The following CCDC144A variants were observed in gnomAD, a reference collection of about 807,000 sequenced individuals.
CCDC144A encodes the protein coiled-coil domain-containing protein 144A.
CCDC144A carries 41 observed loss-of-function variants against 143.8 expected under a neutral mutation model. That is an observed-to-expected ratio of 0.29 (90% CI 0.22 to 0.37). The LOEUF is 0.37. Ranked by LOEUF, CCDC144A falls within the 10% of genes least tolerant of loss-of-function variation. The pLI is 1.00. For missense variants in CCDC144A, 637 were observed against 1,488.8 expected (o/e 0.43, Z 9.41); for synonymous variants, 242 against 517.9 (o/e 0.47, Z 7.23).
chr17:16,710,137 C>T (rs928942333), intron 5 of CCDC144A: 2 of 178,688 alleles, frequency 1.1e-5, no homozygotes, highest in Non-Finnish European at 2.4e-5. Flanking sequence ...GCCAGGCATT[C>T]TGGGCCGTAG....
At chr17:16,747,101 G>A (rs1001983035) in intron 12 of CCDC144A, among the ~76,000 whole-genome samples, 2 of 151,978 alleles carry the variant, frequency 1.3e-5, no homozygotes, top group Non-Finnish European at 2.9e-5. Context: ...ATAGCTAGGG[G>A]TCAAGTTTCA....
At chr17:16,715,968 T>C (rs1339129589) in intron 6 of CCDC144A, among the ~76,000 whole-genome samples, 1 of 152,254 alleles carries the variant, frequency 6.6e-6, no homozygotes, top group Non-Finnish European at 1.5e-5. Context: ...GATGATTGAC[T>C]GTATTTACAA....
At chr17:16,708,186 G>C (rs1265874361) in intron 4 of CCDC144A, among the ~76,000 whole-genome samples, 1 of 152,170 alleles carries the variant, frequency 6.6e-6, no homozygotes, top group Non-Finnish European at 1.5e-5. Context: ...GGGGACCATA[G>C]TATATATTAG....
At chr17:16,675,539 A>AT in the CCDC144A span, among the ~76,000 whole-genome samples, 2 of 151,832 alleles carry the variant, frequency 1.3e-5, no homozygotes, top group Non-Finnish European at 2.9e-5. Context: ...GGAAAACAAA[A>AT]TAAAAAAAAA....
At chr17:16,746,871 T>C (rs1456972951) in intron 12 of CCDC144A, 26 of 667,422 alleles carry the variant, frequency 3.9e-5, no homozygotes, top group Middle Eastern at 3.9e-4. Context: ...TCCTCTCCCT[T>C]CTCTCCCTTC....
chr17:16,714,982 T>G (rs1912660967), intron 6 of CCDC144A, among the ~76,000 whole-genome samples: 1 of 152,236 alleles, frequency 6.6e-6, no homozygotes, highest in Admixed American at 6.5e-5. Flanking sequence ...GATAGCCTCC[T>G]GGCTTTCTTT....
chr17:16,748,406 G>A (rs1914637594), intron 12 of CCDC144A, among the ~76,000 whole-genome samples: 1 of 152,146 alleles, frequency 6.6e-6, no homozygotes, highest in Non-Finnish European at 1.5e-5. Context: ...ATTGATTTGT[G>A]TACTTTGAAC....
chr17:16,720,809 G>GCTAT (rs1431076375), intron 8 of CCDC144A, among the ~76,000 whole-genome samples, 151 bp downstream of exon 8: 2 of 152,216 alleles, frequency 1.3e-5, no homozygotes, highest in Non-Finnish European at 2.9e-5. Context: ...ACGCCAAAGA[G>GCTAT]CTATGATAAC....
intron 12 of CCDC144A, among the ~76,000 whole-genome samples, chr17:16,760,046 C>G (rs1271437856): frequency 6.6e-6 from 1 of 152,218 alleles, no homozygotes; most frequent in African/African-American, 2.4e-5. Flanking sequence ...GCTCGAACAC[C>G]TACCTACATG....
the CCDC144A span, among the ~76,000 whole-genome samples, chr17:16,677,369 C>A: frequency 1.3e-3 from 202 of 152,216 alleles, 1 homozygote; most frequent in African/African-American, 4.7e-3. Flanking sequence ...CCAGAGGGGA[C>A]CAGCAAATAC....
chr17:16,713,789 T>C (rs1270242172), intron 6 of CCDC144A, among the ~76,000 whole-genome samples: 2 of 152,206 alleles, frequency 1.3e-5, no homozygotes, highest in African/African-American at 2.4e-5. Flanking sequence ...TATATAGTTA[T>C]ATAAGAATTG....
Position 16,720,504 on chromosome 17 carries a change from A to G in CCDC144A, c.1750-13A>G, listed in dbSNP as rs1287418435. 1.3e-6 allele frequency: 2 copies of G among 1,596,008 alleles called. No individual in the cohort carries two copies. Among genetic ancestry groups the G allele is most frequent in the East Asian group, 2.2e-5 (1 of 44,778 alleles). On this transcript the variant is annotated splice_polypyrimidine_tract_variant and intron_variant, in intron 7 of 16. Transcript: ENST00000399273. ...TTCGAGGACATTTTGAAACAGTATT[A>G]TTTATCTTATAGGTCAAAAACCAAA...
In CCDC144A at chr17:16,709,080, A is replaced by G; in HGVS notation, c.1023A>G (p.Ile341Met). Residue 341 changes from isoleucine to methionine, a missense_variant, in exon 5 of 17, where the codon ATA (isoleucine) becomes ATG (methionine). Transcript: ENST00000399273. The part of the protein sequence containing the change: ...KDIPFNLTNN[I>M]PGCEEEDASE... ...TTCCCTTTAATTTGACAAATAACATACCTGGTTGTGAGGAAGAAGATGCAT... is the reference window on the plus strand; with the variant it reads ...TTCCCTTTAATTTGACAAATAACATGCCTGGTTGTGAGGAAGAAGATGCAT... 6.2e-7 allele frequency: 1 copy of G among 1,611,610 alleles called. No homozygotes were observed. The highest frequency in any genetic ancestry group is 8.5e-7 in the Non-Finnish European group (1 of 1,179,614).
At position 16,690,532 on chromosome 17, in the gene CCDC144A, G is replaced by C. The variant is rs773026244; in HGVS notation, c.132G>C (p.Gln44His). The C allele has an allele frequency of 6.2e-6, 10 of 1,613,668 alleles. No homozygotes were observed. Among genetic ancestry groups the C allele is most frequent in the Non-Finnish European group, 7.6e-6 (9 of 1,179,848 alleles). Residue 44 changes from glutamine (Q) to histidine (H), a missense_variant, in exon 1 of 17, where the codon CAG becomes CAC. By Grantham distance (24) the Gln-to-His change is conservative. Transcript: ENST00000399273. Reference sequence around the variant, plus strand: ...GGTACTTGGGCTACCCGGGGGACCAGTGGTCCTCGGGCTTCCCCTACAGCT... The same window carrying C: ...GGTACTTGGGCTACCCGGGGGACCACTGGTCCTCGGGCTTCCCCTACAGCT... ...DQWYLGYPGD[Q>H]WSSGFPYSWW...
chr17:16,682,915 T>G, the CCDC144A span, among the ~76,000 whole-genome samples: 3 of 107,098 alleles, frequency 2.8e-5, no homozygotes, highest in East Asian at 7.3e-4. Flanking sequence ...TTTTTTTTTT[T>G]TTTTGAGACA....
chr17:16,697,960 C>G (rs1358515705), intron 2 of CCDC144A, among the ~76,000 whole-genome samples: 1 of 152,134 alleles, frequency 6.6e-6, no homozygotes, highest in Non-Finnish European at 1.5e-5. Flanking sequence ...TAGAGGAGAG[C>G]AGCAGGTCAG....
At chr17:16,711,151 A>AAAAAAC (rs1912409401) in intron 5 of CCDC144A, among the ~76,000 whole-genome samples, 1 of 141,412 alleles carries the variant, frequency 7.1e-6, no homozygotes, top group African/African-American at 2.6e-5. Context: ...AAAAAAAAAA[A>AAAAAAC]AAAAAAACAA....
the CCDC144A span, among the ~76,000 whole-genome samples, chr17:16,677,293 G>A: frequency 2.6e-5 from 4 of 152,098 alleles, no homozygotes; most frequent in Non-Finnish European, 5.9e-5. Context: ...AAGTTATGCG[G>A]GCAAATGTAG....
chr17:16,751,274 C>G (rs1194912018), intron 12 of CCDC144A, among the ~76,000 whole-genome samples: 2 of 150,520 alleles, frequency 1.3e-5, no homozygotes, highest in African/African-American at 4.9e-5. Context: ...GCCTTTTTTT[C>G]TGGGTGGTTT....
Sources: gnomAD v4.1 joint callset for allele counts (sites outside exome capture counted in the v4.1 genomes callset) on GRCh38, gnomAD v4.1.1 for gene constraint, MANE v1.5 for transcripts, NCBI Gene and HGNC (gene_info 2026-07-23, HGNC 2026-07-21) for gene names.